The following EPN2 variants were observed in gnomAD, a reference collection of about 807,000 sequenced individuals.
EPN2 encodes epsin 2.
A neutral mutation model predicts 61.7 loss-of-function variants in EPN2; 34 were observed. That is an observed-to-expected ratio of 0.55 (90% confidence interval 0.42 to 0.73). The LOEUF is 0.73. Ranked by LOEUF, EPN2 falls within the 30% of genes least tolerant of loss-of-function variation. The pLI is 0.00. For missense variants in EPN2, 714 were observed against 839.2 expected (o/e 0.85, Z 1.84); for synonymous variants, 349 against 353.6 (o/e 0.99, Z 0.15).
chr17:19,326,782 C>G (rs149961327), intron 7 of EPN2, among the ~76,000 whole-genome samples: 4 of 151,282 alleles, frequency 2.6e-5, no homozygotes, highest in African/African-American at 9.7e-5. Context: ...ACAGAGGAGG[C>G]CCTGCATACC....
intron 1 of EPN2, among the ~76,000 whole-genome samples, chr17:19,243,222 T>TG: frequency 6.9e-6 from 1 of 145,834 alleles, no homozygotes; most frequent in Non-Finnish European, 1.5e-5. Context: ...GAATGTGTCT[T>TG]TTTTTTTTTT....
chr17:19,314,180 T>C (rs146529011), intron 7 of EPN2, among the ~76,000 whole-genome samples: 10 of 152,306 alleles, frequency 6.6e-5, no homozygotes, highest in East Asian at 1.9e-4. Flanking sequence ...TTATTGTCCC[T>C]GTTGTCTGTT....
intron 1 of EPN2, among the ~76,000 whole-genome samples, chr17:19,246,682 C>A (rs1279168504): frequency 6.8e-6 from 1 of 147,760 alleles, no homozygotes; most frequent in South Asian, 2.1e-4. Flanking sequence ...CCGCCCCCCC[C>A]AAAAAAATAT....
chr17:19,313,210 A>G lies in EPN2; in HGVS notation c.1078A>G (p.Thr360Ala), dbSNP rs976355374. The G allele has an allele frequency of 1.9e-6, 3 of 1,608,890 alleles. No individual in the cohort carries two copies. The highest frequency in any genetic ancestry group is 2.5e-6 in the Non-Finnish European group (3 of 1,178,342). ...AGAGCCCTGGGGCCCGTCAGCCTCC[A>G]CTAACCAGACCAACCCCTGGGGCGG... ...KAEPWGPSAS[T>A]NQTNPWGGPA... The change falls in exon 7 of 11, where the codon ACT becomes GCT. Residue 360 changes from threonine to alanine, a missense_variant. Thr to Ala is a moderately conservative substitution (Grantham distance 58, BLOSUM62 0). Transcript: ENST00000314728.
chr17:19,276,775 T>TTTTC (rs1555598440), intron 1 of EPN2, among the ~76,000 whole-genome samples: 1 of 136,092 alleles, frequency 7.3e-6, no homozygotes, highest in African/African-American at 2.6e-5. Flanking sequence ...GAGAATAAGT[T>TTTTC]TTTTTTTTTT....
intron 4 of EPN2, among the ~76,000 whole-genome samples, chr17:19,291,506 T>C (rs2045464906): frequency 7.2e-6 from 1 of 138,200 alleles, no homozygotes; most frequent in Non-Finnish European, 1.5e-5. Context: ...GGCGCTATCT[T>C]GGCTCACTGC....
chr17:19,278,223 G>A (rs150603491), intron 1 of EPN2, among the ~76,000 whole-genome samples: 5,109 of 152,128 alleles, frequency 0.034, 347 homozygotes, highest in South Asian at 0.2. Flanking sequence ...TGATCTGCCC[G>A]CCTCGGCTTC....
At chr17:19,255,465 T>TTTATTTAC (rs2045065322) in intron 1 of EPN2, among the ~76,000 whole-genome samples, 1 of 149,238 alleles carries the variant, frequency 6.7e-6, no homozygotes, top group African/African-American at 2.4e-5. Flanking sequence ...TATTTATTTA[T>TTTATTTAC]TTATTTATTT....
At chr17:19,256,040 C>T (rs2045074051) in intron 1 of EPN2, among the ~76,000 whole-genome samples, 1 of 151,978 alleles carries the variant, frequency 6.6e-6, no homozygotes, top group African/African-American at 2.4e-5. Context: ...TGGGTTCATA[C>T]CATTCTCCTG....
intron 1 of EPN2, among the ~76,000 whole-genome samples, chr17:19,276,179 A>G (rs2045303142): frequency 6.6e-6 from 1 of 151,950 alleles, no homozygotes; most frequent in Non-Finnish European, 1.5e-5. Context: ...TAAAGTGGCC[A>G]TTCTGTGGGC....
intron 1 of EPN2, among the ~76,000 whole-genome samples, chr17:19,253,268 A>C (rs569147742): frequency 3.9e-5 from 6 of 152,144 alleles, no homozygotes; most frequent in African/African-American, 1.4e-4. Flanking sequence ...ATGTTTTCCA[A>C]GTTCATCCAT....
chr17:19,332,954 GC>G (rs1907230362), intron 10 of EPN2, among the ~76,000 whole-genome samples: 1 of 152,228 alleles, frequency 6.6e-6, no homozygotes, highest in African/African-American at 2.4e-5. Context: ...ACAGTACCTT[GC>G]AGAGGAGAAT....
At chr17:19,251,467 AT>A (rs373947146) in intron 1 of EPN2, among the ~76,000 whole-genome samples, 7 of 146,826 alleles carry the variant, frequency 4.8e-5, no homozygotes, top group Admixed American at 1.4e-4. Context: ...TTGTAGTTGA[AT>A]TTTTTTTTTT....
chr17:19,309,433 A>G (rs528589729), intron 4 of EPN2, among the ~76,000 whole-genome samples: 2 of 152,268 alleles, frequency 1.3e-5, no homozygotes, highest in Non-Finnish European at 2.9e-5. Flanking sequence ...CTGGCCTCAA[A>G]AGTCAGCTCT....
Position 19,283,843 on chromosome 17 carries a change from T to C in EPN2, c.595+129T>C. The stretch of plus-strand genomic sequence containing the variant: ...CGAACCTGTCCTCAGTACCCAGCTT[T>C]TGGTGGCCCAGGCAAATTGTCCTTG... On this transcript the variant is annotated intron_variant, in intron 3 of 10. Coordinates refer to ENST00000314728, the MANE Select transcript of EPN2 (RefSeq NM_014964.5). The surrounding 1 kb of genome is among the most constrained non-coding windows in gnomAD (Gnocchi z 7.0). 1 of 692,076 alleles carries C rather than the reference T, an allele frequency of 1.4e-6. No individual in the cohort carries two copies. Among genetic ancestry groups the C allele is most frequent in the Non-Finnish European group, 2.4e-6 (1 of 422,800 alleles). 42.9% of individuals were successfully genotyped at this position (692,076 alleles called of 1,614,324 possible). A position where few individuals can be genotyped will look rare whatever the true frequency, so the allele number is the denominator to read the frequency against.
intron 5 of EPN2, among the ~76,000 whole-genome samples, chr17:19,310,779 T>C (rs369259265): frequency 1.2e-4 from 18 of 152,102 alleles, no homozygotes; most frequent in African/African-American, 4.1e-4. Flanking sequence ...GGTTTCACCA[T>C]GTTGGTCGGG....
intron 9 of EPN2, 116 bp from the exon 10 acceptor site, chr17:19,331,737 C>T (rs538428834): frequency 1.9e-5 from 15 of 807,740 alleles, no homozygotes; most frequent in South Asian, 4.6e-5. Flanking sequence ...GGCTGTGTGT[C>T]GTCACGTGGC....
At chr17:19,245,399 C>A (rs956988198) in intron 1 of EPN2, among the ~76,000 whole-genome samples, 7 of 150,026 alleles carry the variant, frequency 4.7e-5, no homozygotes, top group African/African-American at 1.7e-4. Context: ...AAAAGGGGGT[C>A]AAATATGGAA....
intron 1 of EPN2, among the ~76,000 whole-genome samples, chr17:19,250,520 A>G (rs1466037148): frequency 1.3e-5 from 2 of 152,204 alleles, no homozygotes; most frequent in East Asian, 3.8e-4. Context: ...ATAGTTGCCA[A>G]TATTAAAAAC....
Sources: gnomAD v4.1 joint callset for allele counts (sites outside exome capture counted in the v4.1 genomes callset) on GRCh38, gnomAD v4.1.1 for gene constraint, Gnocchi (gnomAD v3.1) non-coding constraint, MANE v1.5 for transcripts, NCBI Gene and HGNC (gene_info 2026-07-23, HGNC 2026-07-21) for gene names.